CNTLN: variants seen among roughly 807,000 people sequenced by gnomAD.
CNTLN encodes the protein centlein, centrosomal protein.
Under a neutral mutation model 180.0 loss-of-function variants are expected in CNTLN, and 212 were observed. The ratio of observed to expected loss-of-function variants is 1.18; its 90% CI spans 1.05 to 1.32. CNTLN has a LOEUF of 1.32. Among genes scored for constraint, CNTLN ranks in the 40% most tolerant of loss-of-function variants. The probability of loss-of-function intolerance (pLI) is 0.00; values close to 1 mark genes in which losing one functional copy is unlikely to be tolerated. For synonymous variants in CNTLN, 722 were observed against 563.1 expected, an observed-to-expected ratio of 1.28 and a Z score of -3.99; for missense variants, 2,095 against 1,610.9, an observed-to-expected ratio of 1.30 and a Z score of -5.14.
At chr9:17,268,248 T>C (rs1011066270) in intron 5 of CNTLN, among the ~76,000 whole-genome samples, 1 of 152,196 alleles carries the variant, frequency 6.6e-6, no homozygotes, top group African/African-American at 2.4e-5. Flanking sequence ...TAGTTTTCCT[T>C]CTATCAGACA....
At chr9:17,339,431 C>G (rs1364798010) in intron 10 of CNTLN, among the ~76,000 whole-genome samples, 4 of 152,188 alleles carry the variant, frequency 2.6e-5, no homozygotes, top group Non-Finnish European at 4.4e-5. Context: ...GCCCCACCAC[C>G]TAGGTTAACT....
chr9:17,262,096 G>T (rs1251224352), intron 5 of CNTLN, among the ~76,000 whole-genome samples: 1 of 151,476 alleles, frequency 6.6e-6, no homozygotes, highest in Admixed American at 6.6e-5. Context: ...CAGTGCTATG[G>T]AGAAATAGAA....
chr9:17,374,866 A>G (rs905073322), intron 13 of CNTLN, among the ~76,000 whole-genome samples: 1 of 151,836 alleles, frequency 6.6e-6, no homozygotes, highest in Admixed American at 6.6e-5. Flanking sequence ...ATCTCAGGAA[A>G]AAAAAAAAAA....
intron 5 of CNTLN, among the ~76,000 whole-genome samples, chr9:17,258,871 T>G (rs898464244): frequency 2.1e-5 from 3 of 146,006 alleles, no homozygotes; most frequent in African/African-American, 8.0e-5. Flanking sequence ...AAGGAGATTT[T>G]GGGCTGAGAC....
At chr9:17,416,778 G>T (rs1828287050) in intron 18 of CNTLN, among the ~76,000 whole-genome samples, 1 of 152,024 alleles carries the variant, frequency 6.6e-6, no homozygotes, top group African/African-American at 2.4e-5. Context: ...TGAACTTAAA[G>T]CAAATGAAAA....
chr9:17,497,047 C>G (rs1321305699), intron 25 of CNTLN, among the ~76,000 whole-genome samples: 1 of 152,132 alleles, frequency 6.6e-6, no homozygotes, highest in Non-Finnish European at 1.5e-5. Context: ...AATGTCCAAA[C>G]AATTCATAGG....
intron 6 of CNTLN, among the ~76,000 whole-genome samples, chr9:17,278,369 A>T (rs561264762): frequency 3.9e-5 from 6 of 152,178 alleles, no homozygotes; most frequent in African/African-American, 1.4e-4. Context: ...TTTCTTTGGT[A>T]TGTTAGTAGC....
chr9:17,187,405 G>C (rs1821498637), intron 2 of CNTLN, among the ~76,000 whole-genome samples: 1 of 151,998 alleles, frequency 6.6e-6, no homozygotes, highest in South Asian at 2.1e-4. Flanking sequence ...GAGAAAATGA[G>C]AGTGTCAGAG....
the CNTLN span, among the ~76,000 whole-genome samples, chr9:17,509,443 A>G: frequency 6.6e-6 from 1 of 152,214 alleles, no homozygotes; most frequent in Admixed American, 6.5e-5. Context: ...CCACCATGGC[A>G]TTGCACACAG....
At position 17,486,974 on chromosome 9, in the gene CNTLN, A is replaced by ATTTTTT; in HGVS notation, c.4042-12_4042-7dup. Reference sequence around the variant, plus strand: ...AAATTTCGTTAACACCAGTGTTTTTATTTTTTTTCTTCAGGAAATTGAAAA... The same window carrying ATTTTTT: ...AAATTTCGTTAACACCAGTGTTTTTATTTTTTTTTTTTTTCTTCAGGAAATTGAAAA... On this transcript the variant is annotated splice_polypyrimidine_tract_variant and intron_variant, in intron 24 of 25. Transcript: ENST00000380647. 3 of 1,489,574 alleles carry ATTTTTT rather than the reference A, an allele frequency of 2.0e-6. No individual in the cohort carries two copies. The highest frequency in any genetic ancestry group is 2.8e-6 in the Non-Finnish European group (3 of 1,089,494). The allele number at this position is 1,489,574 out of a possible 1,614,324, so 92.3% of individuals were successfully genotyped here.
At chr9:17,284,399 T>C (rs532242457) in intron 6 of CNTLN, among the ~76,000 whole-genome samples, 1 of 152,158 alleles carries the variant, frequency 6.6e-6, no homozygotes, top group African/African-American at 2.4e-5. Flanking sequence ...CATGGGCTTT[T>C]TTTTGGCTGG....
At chr9:17,245,939 C>T (rs970254146) in intron 5 of CNTLN, among the ~76,000 whole-genome samples, 2 of 151,884 alleles carry the variant, frequency 1.3e-5, no homozygotes, top group Non-Finnish European at 1.5e-5. Flanking sequence ...TTCTTAATTC[C>T]TTATCTGTGT....
chr9:17,524,538 C>A, the CNTLN span, among the ~76,000 whole-genome samples: 5 of 152,332 alleles, frequency 3.3e-5, no homozygotes, highest in African/African-American at 1.2e-4. Context: ...TTCTCATAGA[C>A]ACACCCAGAA....
At position 17,252,501 on chromosome 9, in the gene CNTLN, G is replaced by A. The variant is rs559254534; in HGVS notation, c.849+15913G>A. Among the ~76,000 whole-genome samples the A allele has an allele frequency of 2.9e-4, 44 of 151,780 alleles. 1 individual carries two copies. Among genetic ancestry groups the A allele is most frequent in the African/African-American group, 1.0e-3 (43 of 41,470 alleles). On this transcript the variant is annotated intron_variant, in intron 5 of 25. Transcript: ENST00000380647. ...TTGCATTTTCCTGATGATTAATGAT[G>A]CTGAGCATTTTTCATATACCTGTTG...
Position 17,415,391 on chromosome 9 carries a change from G to A in CNTLN, c.2797-397G>A, listed in dbSNP as rs374233268. ...TTATTCACATTTTACTTTTGTTACG[G>A]TTACCATATTTACTCCTAAGTTTTT... is the stretch of plus-strand genomic sequence containing the variant. On this transcript the variant is annotated intron_variant, in intron 16 of 25. Transcript: ENST00000380647. Among the ~76,000 whole-genome samples the A allele has an allele frequency of 7.9e-5, 12 of 152,166 alleles. No individual in the cohort carries two copies. In the East Asian group the frequency reaches 1.9e-3, roughly 24 times the overall value.
At chr9:17,201,964 G>C (rs1822563794) in intron 2 of CNTLN, among the ~76,000 whole-genome samples, 3 of 152,032 alleles carry the variant, frequency 2.0e-5, no homozygotes, top group Non-Finnish European at 4.4e-5. Context: ...TTTCTGATGT[G>C]GGCATTTAGT....
At chr9:17,378,839 T>A (rs1281725833) in intron 13 of CNTLN, among the ~76,000 whole-genome samples, 1 of 152,214 alleles carries the variant, frequency 6.6e-6, no homozygotes, top group African/African-American at 2.4e-5. Context: ...TGTTTTTTGC[T>A]GAGAACCATT....
rs769082223 is a variant in CNTLN, at chr9:17,259,293, A to G, written c.850-14440A>G. 5.1e-3 allele frequency among the ~76,000 whole-genome samples: 733 copies of G among 144,808 alleles called. 4 individuals are homozygous for G. The highest frequency in any genetic ancestry group is 7.5e-3 in the Admixed American group (109 of 14,614). 95.0% of individuals were successfully genotyped at this position (144,808 alleles called of 152,430 possible). On this transcript the variant is annotated intron_variant, in intron 5 of 25. Coordinates refer to ENST00000380647, the MANE Select transcript of CNTLN (RefSeq NM_017738.4). Reference sequence around the variant, plus strand: ...GGATTACATTTATTGATTTGCGTATATTGAACCAGCCTTGCATCCCAGGGA... The same window carrying G: ...GGATTACATTTATTGATTTGCGTATGTTGAACCAGCCTTGCATCCCAGGGA...
chr9:17,212,182 G>T (rs551803012), intron 2 of CNTLN, among the ~76,000 whole-genome samples: 42 of 152,232 alleles, frequency 2.8e-4, no homozygotes, highest in Middle Eastern at 3.4e-3. Flanking sequence ...TATGATATTG[G>T]CTGTGGGTTT....
Sources: allele counts gnomAD v4.1 joint callset (sites outside exome capture counted in the v4.1 genomes callset), GRCh38; gene constraint gnomAD v4.1.1; transcripts MANE v1.5; gene names NCBI Gene and HGNC (gene_info 2026-07-23, HGNC 2026-07-21).